The following IRAK2 variants were observed in gnomAD, a reference collection of about 807,000 sequenced individuals.
The protein encoded by IRAK2 is interleukin 1 receptor associated kinase 2.
In IRAK2, 57 loss-of-function variants were observed where a neutral mutation model predicts 72.0. The observed-to-expected ratio is 0.79, with a 90% CI of 0.64 to 0.99. The LOEUF (loss-of-function observed/expected upper bound fraction) is 0.99, where lower values mean the gene tolerates loss of function less well. IRAK2 is among the 50% of genes least tolerant of loss of function. The probability of loss-of-function intolerance (pLI) is 0.00; values close to 1 mark genes in which losing one functional copy is unlikely to be tolerated. For missense variants in IRAK2, 790 were observed against 794.4 expected (o/e 0.99, Z 0.07); for synonymous variants, 293 against 312.7 (o/e 0.94, Z 0.67).
chr3:10,209,365 C>CCGGAGACACGG (rs1697483729), intron 3 of IRAK2, among the ~76,000 whole-genome samples: 1 of 152,154 alleles, frequency 6.6e-6, no homozygotes, highest in Non-Finnish European at 1.5e-5. Context: ...TCTCCACTTG[C>CCGGAGACACGG]CAACTGGGAT....
intron 12 of IRAK2, among the ~76,000 whole-genome samples, chr3:10,239,296 G>A (rs11465933): frequency 8.5e-5 from 13 of 152,226 alleles, no homozygotes; most frequent in Non-Finnish European, 1.3e-4. Flanking sequence ...ACTTCTCTGC[G>A]TTCCCCCTTT....
rs1271382374 is a variant in IRAK2, at chr3:10,213,611, C to G, written c.788+63C>G. ...CCTTTATATAGTGCTTCCTGTGTGCCCAGTCATGTTTTAAGCACTCTATTA... is the reference window on the plus strand; with the variant it reads ...CCTTTATATAGTGCTTCCTGTGTGCGCAGTCATGTTTTAAGCACTCTATTA... On this transcript the variant is annotated intron_variant, in intron 6 of 12. Transcript: ENST00000256458. 9.3e-6 allele frequency: 12 copies of G among 1,297,158 alleles called. No homozygotes were observed. In the Admixed American group the frequency reaches 2.0e-4, roughly 22 times the overall value. The allele number at this position is 1,297,158 out of a possible 1,614,324, so 80.4% of individuals were successfully genotyped here.
At chr3:10,183,197 T>A (rs1696990919) in intron 2 of IRAK2, among the ~76,000 whole-genome samples, 1 of 152,220 alleles carries the variant, frequency 6.6e-6, no homozygotes, top group African/African-American at 2.4e-5. Flanking sequence ...CCAGGGGATG[T>A]GCCTGGATGT....
chr3:10,219,938 C>T (rs1187933800), intron 8 of IRAK2, 149 bp downstream of exon 8: 2 of 634,234 alleles, frequency 3.2e-6, no homozygotes, highest in Non-Finnish European at 2.8e-6. Context: ...CCCTGGATGT[C>T]TTTTTCTCTG....
chr3:10,214,977 C>T (rs941458714), intron 6 of IRAK2, among the ~76,000 whole-genome samples: 2 of 151,864 alleles, frequency 1.3e-5, no homozygotes, highest in African/African-American at 4.8e-5. Context: ...GCCTGCAGTC[C>T]CAGCTACTCA....
intron 3 of IRAK2, among the ~76,000 whole-genome samples, chr3:10,205,421 CAT>C (rs1053422368): frequency 2.0e-5 from 3 of 152,230 alleles, no homozygotes; most frequent in African/African-American, 7.2e-5. Context: ...TAATAGCCCT[CAT>C]GTGTCGCAGG....
intron 10 of IRAK2, among the ~76,000 whole-genome samples, chr3:10,226,648 G>A (rs1697781228): frequency 6.6e-6 from 1 of 152,226 alleles, no homozygotes. Context: ...GCTTGGTGCG[G>A]TGGCTCATGC....
At chr3:10,227,579 CTGAG>C (rs1697799330) in intron 10 of IRAK2, among the ~76,000 whole-genome samples, 1 of 152,100 alleles carries the variant, frequency 6.6e-6, no homozygotes. Flanking sequence ...AAAGCTGGCT[CTGAG>C]TTTGGCCTAG....
At chr3:10,180,762 C>T (rs929615065) in intron 2 of IRAK2, among the ~76,000 whole-genome samples, 4 of 152,100 alleles carry the variant, frequency 2.6e-5, no homozygotes, top group Admixed American at 2.0e-4. Flanking sequence ...CTGAGATAAA[C>T]CAGGAGAGCA....
In IRAK2 at chr3:10,214,922, C is replaced by T. The variant is rs1389010379; in HGVS notation, c.788+1374C>T. ...TCAGCTGGGCAACATGGCAAAACCC[C>T]GTCTCTACAAAAAATACAAAAATTA... On this transcript the variant is annotated intron_variant, in intron 6 of 12. Coordinates refer to ENST00000256458, the MANE Select transcript of IRAK2 (RefSeq NM_001570.4). Among the ~76,000 whole-genome samples the T allele has an allele frequency of 5.3e-5, 8 of 151,552 alleles. No homozygotes were observed. In the East Asian group the frequency reaches 5.8e-4, roughly 11 times the overall value.
intron 4 of IRAK2, 21 bp from the exon 5 acceptor site, chr3:10,213,186 C>G: frequency 1.2e-6 from 2 of 1,604,364 alleles, no homozygotes; most frequent in East Asian, 4.5e-5. Context: ...TAATCTCCAT[C>G]TCTTCTCTCT....
At chr3:10,203,369 G>T (rs1473983794) in intron 3 of IRAK2, among the ~76,000 whole-genome samples, 11 of 152,192 alleles carry the variant, frequency 7.2e-5, no homozygotes, top group African/African-American at 1.9e-4. Flanking sequence ...CAATTTGCAG[G>T]CAGAGACAGG....
chr3:10,234,000 T>C (rs1327848858), intron 10 of IRAK2, among the ~76,000 whole-genome samples: 3 of 152,064 alleles, frequency 2.0e-5, no homozygotes, highest in Non-Finnish European at 4.4e-5. Flanking sequence ...GTAGCTGTGA[T>C]TACAGGCGTG....
chr3:10,209,800 G>T, intron 4 of IRAK2, 108 bp downstream of exon 4: 1 of 572,784 alleles, frequency 1.7e-6, no homozygotes, highest in South Asian at 4.5e-5. Context: ...GGGTGGAGAG[G>T]AGAAAGGAAA....
chr3:10,210,253 G>A (rs991199112), intron 4 of IRAK2, among the ~76,000 whole-genome samples: 1 of 151,710 alleles, frequency 6.6e-6, no homozygotes, highest in Non-Finnish European at 1.5e-5. Context: ...TTTTATTTTC[G>A]ACCTGTGGTC....
intron 9 of IRAK2, among the ~76,000 whole-genome samples, chr3:10,224,051 GA>G (rs1697733643): frequency 6.6e-6 from 1 of 152,146 alleles, no homozygotes; most frequent in South Asian, 2.1e-4. Flanking sequence ...GAACCAGGGG[GA>G]TGGGCAGGGA....
At chr3:10,191,842 G>A (rs1487115141) in intron 2 of IRAK2, among the ~76,000 whole-genome samples, 1 of 152,096 alleles carries the variant, frequency 6.6e-6, no homozygotes, top group Non-Finnish European at 1.5e-5. Context: ...CAGTATTACG[G>A]CAGTTTTGAT....
chr3:10,168,130 T>C (rs1696724691), intron 1 of IRAK2, among the ~76,000 whole-genome samples: 1 of 151,996 alleles, frequency 6.6e-6, no homozygotes, highest in Non-Finnish European at 1.5e-5. Context: ...TACCAGATGT[T>C]TTCTAAAGTG....
Position 10,164,945 on chromosome 3 carries a change from G to T in IRAK2, c.-10G>T. Reference sequence around the variant, plus strand: ...GTCGTCCCGCGCCGGAGCCGGCCCCGTAGCGTGCCATGGCCTGCTACATCT... The same window carrying T: ...GTCGTCCCGCGCCGGAGCCGGCCCCTTAGCGTGCCATGGCCTGCTACATCT... On this transcript the variant is annotated 5_prime_UTR_variant, in exon 1 of 13. Transcript: ENST00000256458. 6.5e-7 allele frequency: 1 copy of T among 1,529,908 alleles called. No individual in the cohort carries two copies. The highest frequency in any genetic ancestry group is 1.1e-5 in the South Asian group (1 of 88,862). 94.8% of individuals were successfully genotyped at this position (1,529,908 alleles called of 1,614,324 possible).
Sources: allele counts gnomAD v4.1 joint callset (sites outside exome capture counted in the v4.1 genomes callset), GRCh38; gene constraint gnomAD v4.1.1; transcripts MANE v1.5; gene names NCBI Gene and HGNC (gene_info 2026-07-23, HGNC 2026-07-21).